Variants in MCM2 observed in about 807,000 individuals in gnomAD.
MCM2 encodes the protein DNA replication licensing factor MCM2.
In MCM2, 49 loss-of-function variants were observed where a neutral mutation model predicts 86.4. The observed-to-expected ratio is 0.57, with a 90% confidence interval of 0.45 to 0.72. The LOEUF is 0.72. MCM2 is among the 30% of genes least tolerant of loss of function. MCM2 has a pLI of 0.00. For synonymous variants in MCM2, 475 were observed against 484.6 expected, an observed-to-expected ratio of 0.98 and a Z score of 0.26; for missense variants, 1,038 against 1,259.9, an observed-to-expected ratio of 0.82 and a Z score of 2.67.
In MCM2 at chr3:127,608,603, T is replaced by G. The variant is rs1180281320; in HGVS notation, c.1236+87T>G. 3.9e-6 allele frequency: 6 copies of G among 1,548,816 alleles called. No individual in the cohort carries two copies. The South Asian group carries it at 5.8e-5, about 15-fold the overall frequency. On this transcript the variant is annotated intron_variant, in intron 7 of 15. Coordinates refer to ENST00000265056, the MANE Select transcript of MCM2 (RefSeq NM_004526.4). ...GTGGCTGGGCCGGTGGCGGTGTCTA[T>G]GGTCGCAGGGGCACTCGGGCTAGGA...
chr3:127,598,502 G>A, intron 1 of MCM2, 30 bp downstream of exon 1: 6 of 1,610,868 alleles, frequency 3.7e-6, no homozygotes, highest in Non-Finnish European at 5.1e-6. Context: ...GCGGGCGGGC[G>A]CCGGGGACAT....
rs2074437427 is a variant in MCM2 at position 127,616,938 on chromosome 3, G to GT, written c.1596dup (p.Leu533SerfsTer5). The GT allele has an allele frequency of 6.2e-7, 1 of 1,614,074 alleles. No homozygotes were observed. ...GAGACCCTGGCACAGCGAAGTCGCAGTTTCTCAAGTATATTGAGAAAGTGT... is the reference window on the plus strand; with the variant it reads ...GAGACCCTGGCACAGCGAAGTCGCAGTTTTCTCAAGTATATTGAGAAAGTGT... On this transcript the variant is annotated frameshift_variant, in exon 10 of 16. Coordinates refer to ENST00000265056, the MANE Select transcript of MCM2 (RefSeq NM_004526.4). LOFTEE classifies it high-confidence loss of function.
At chr3:127,611,223 G>C (rs2074392524) in intron 8 of MCM2, among the ~76,000 whole-genome samples, 1 of 152,192 alleles carries the variant, frequency 6.6e-6, no homozygotes. Flanking sequence ...ATTTCTTCAG[G>C]CTTGGGTGGA....
intron 8 of MCM2, among the ~76,000 whole-genome samples, chr3:127,611,649 C>T (rs1450455937): frequency 6.8e-6 from 1 of 147,880 alleles, no homozygotes; most frequent in East Asian, 2.0e-4. Context: ...GATTCCATCT[C>T]CAGCAGGAAG....
intron 9 of MCM2, 126 bp downstream of exon 9, chr3:127,616,081 C>T (rs576757251): frequency 1.6e-4 from 128 of 778,262 alleles, no homozygotes; most frequent in Non-Finnish European, 2.5e-4. Flanking sequence ...AAAAGATGGT[C>T]TGGCTGGGCG....
chr3:127,603,417 G>A (rs2074320011), intron 2 of MCM2, among the ~76,000 whole-genome samples: 1 of 152,062 alleles, frequency 6.6e-6, no homozygotes, highest in South Asian at 2.1e-4. Context: ...CTGCCTCCCT[G>A]GTTCAAAGTG....
At chr3:127,616,626 T>C (rs1250514941) in intron 9 of MCM2, among the ~76,000 whole-genome samples, 1 of 152,240 alleles carries the variant, frequency 6.6e-6, no homozygotes, top group Non-Finnish European at 1.5e-5. Flanking sequence ...AACACTTAGA[T>C]TGTTTCTGAT....
intron 13 of MCM2, among the ~76,000 whole-genome samples, chr3:127,620,063 T>A (rs1011445728): frequency 2.0e-5 from 3 of 152,238 alleles, no homozygotes; most frequent in Non-Finnish European, 4.4e-5. Context: ...TAAATGTGCA[T>A]TCATTTGTCT....
chr3:127,606,212 G>A lies in MCM2; in HGVS notation c.768G>A (p.Leu256=), dbSNP rs755161364. ...TGCCTGAGGCACCGGCGGAGCTGCT[G>A]CAGATCTTTGATGAGGCTGCCCTGG... ...YFLPEAPAEL[L]QIFDEAALEV... is the part of the protein sequence containing the mutation. The change falls in exon 5 of 16, where the codon CTG becomes CTA. Residue 256 remains leucine (L), a synonymous_variant. Transcript: ENST00000265056. This position sits in a 1 kb window ranked among gnomAD's most constrained non-coding sequence, Gnocchi z 4.2. 2.5e-6 allele frequency: 4 copies of A among 1,614,262 alleles called. No homozygotes were observed. The highest frequency in any genetic ancestry group is 1.1e-5 in the South Asian group (1 of 91,086).
intron 2 of MCM2, among the ~76,000 whole-genome samples, chr3:127,603,956 G>T (rs538047618): frequency 6.6e-6 from 1 of 151,956 alleles, no homozygotes; most frequent in Non-Finnish European, 1.5e-5. Context: ...CACCGTGCCC[G>T]GCCATTTTCT....
intron 2 of MCM2, 53 bp downstream of exon 2, chr3:127,599,600 T>C: frequency 6.6e-7 from 1 of 1,509,858 alleles, no homozygotes; most frequent in Non-Finnish European, 9.0e-7. Flanking sequence ...GAGAGCCCAT[T>C]GTGTGCCTGG....
At position 127,617,983 on chromosome 3, in the gene MCM2, C is replaced by G. The variant is rs1181663475; in HGVS notation, c.1915C>G (p.Pro639Ala). 9 of 1,613,850 alleles carry G rather than the reference C, an allele frequency of 5.6e-6. No homozygotes were observed. Among genetic ancestry groups the G allele is most frequent in the Non-Finnish European group, 6.8e-6 (8 of 1,179,890 alleles). The change falls in exon 12 of 16, where the codon CCC becomes GCC. Residue 639 changes from proline (P) to alanine (A), a missense_variant. Physicochemically the swap from Pro to Ala is conservative, Grantham distance 27. Transcript: ENST00000265056. This position sits in a 1 kb window ranked among gnomAD's most constrained non-coding sequence, Gnocchi z 4.1. Reference sequence around the variant, plus strand: ...CTGTGTTTCAGGAGGGCGCTACGACCCCTCGCTGACTTTCTCTGAGAACGT... The same window carrying G: ...CTGTGTTTCAGGAGGGCGCTACGACGCCTCGCTGACTTTCTCTGAGAACGT... The part of the protein sequence containing the change: ...AANPIGGRYD[P>A]SLTFSENVDL...
chr3:127,619,031 A>G lies in MCM2; in HGVS notation c.2018A>G (p.Glu673Gly). The change falls in exon 13 of 16, where the codon GAG (glutamate) becomes GGG (glycine). Residue 673 changes from glutamate (E) to glycine (G), a missense_variant. By Grantham distance (98) the Glu-to-Gly change is moderately conservative. Coordinates refer to ENST00000265056, the MANE Select transcript of MCM2 (RefSeq NM_004526.4). ...CCCTCTCATGGCTTATCTTAGGACG[A>G]GATGCTGGCCCGCTTCGTGGTGGGC... is the stretch of plus-strand genomic sequence containing the variant. ...VRDTVDPVQD[E>G]MLARFVVGSH... 6.3e-7 allele frequency: 1 copy of G among 1,596,668 alleles called. No homozygotes were observed. The highest frequency in any genetic ancestry group is 8.6e-7 in the Non-Finnish European group (1 of 1,168,730).
Position 127,610,147 on chromosome 3 carries a change from A to T in MCM2, c.1428+1124A>T, listed in dbSNP as rs1405908266. On this transcript the variant is annotated intron_variant, in intron 8 of 15. Coordinates refer to ENST00000265056, the MANE Select transcript of MCM2 (RefSeq NM_004526.4). ...GTGTGAGGCACCACGCCCGGCCTTC[A>T]AGTCAACTTGAACTTCAGTTTTTAA... Among the ~76,000 whole-genome samples, 3 of 152,082 alleles carry T rather than the reference A, an allele frequency of 2.0e-5. No homozygotes were observed. In the East Asian group the frequency reaches 5.8e-4, roughly 29 times the overall value.
intron 14 of MCM2, 87 bp from the exon 15 acceptor site, chr3:127,620,986 G>C (rs1182390329): frequency 1.1e-5 from 17 of 1,578,368 alleles, no homozygotes; most frequent in Middle Eastern, 1.8e-4. Flanking sequence ...GCGGCAGCCT[G>C]TCTGACCTGG....
At position 127,608,457 on chromosome 3, in the gene MCM2, T is replaced by C; in HGVS notation, c.1177T>C (p.Ser393Pro). ...GKVAAGRLPR[S>P]KDAILLADLV... ...AGTGGCGGCTGGCCGGCTGCCCCGC[T>C]CCAAGGACGCCATTCTCCTCGCAGA... Residue 393 changes from serine (S) to proline (P), a missense_variant, in exon 7 of 16, where the codon TCC becomes CCC. Physicochemically the swap from Ser to Pro is moderately conservative, Grantham distance 74. Coordinates refer to ENST00000265056, the MANE Select transcript of MCM2 (RefSeq NM_004526.4). The C allele has an allele frequency of 6.2e-7, 1 of 1,614,108 alleles. No individual in the cohort carries two copies. Among genetic ancestry groups the C allele is most frequent in the Non-Finnish European group, 8.5e-7 (1 of 1,180,010 alleles).
Position 127,599,529 on chromosome 3 carries a change from T to C in MCM2, c.218T>C (p.Ile73Thr), listed in dbSNP as rs1331240380. 2 of 1,613,258 alleles carry C rather than the reference T, an allele frequency of 1.2e-6. No homozygotes were observed. Among genetic ancestry groups the C allele is most frequent in the Non-Finnish European group, 1.7e-6 (2 of 1,179,598 alleles). The change falls in exon 2 of 16, where the codon ATT (isoleucine) becomes ACT (threonine). Residue 73 changes from isoleucine to threonine, a missense_variant. This residue lies in a region of MCM2 where 300 missense variants were observed against 307.4 expected (regional missense o/e 0.98). Transcript: ENST00000265056. ...LEEEEDGEELIGDGMERDYRA... is the reference protein window; with the variant it reads ...LEEEEDGEELTGDGMERDYRA... ...GAAGAAGAGGATGGAGAGGAGCTCA[T>C]TGGAGATGGCATGGAAAGGTAATTT...
Position 127,606,845 on chromosome 3 carries a change from A to G in MCM2, c.1101+28A>G. 6.2e-7 allele frequency: 1 copy of G among 1,610,922 alleles called. No individual in the cohort carries two copies. On this transcript the variant is annotated intron_variant, in intron 6 of 15. Transcript: ENST00000265056. The surrounding 1 kb of genome is among the most constrained non-coding windows in gnomAD (Gnocchi z 4.2). ...GAGAGAGGACACAAGGTCTGCTGCCAGCTGTCCTTAGGGGTGCCCAGTATG... is the reference window on the plus strand; with the variant it reads ...GAGAGAGGACACAAGGTCTGCTGCCGGCTGTCCTTAGGGGTGCCCAGTATG...
At position 127,614,115 on chromosome 3, in the gene MCM2, T is replaced by G. The variant is rs113136789; in HGVS notation, c.1429-1747T>G. Among the ~76,000 whole-genome samples, 1,205 of 152,336 alleles carry G rather than the reference T, an allele frequency of 7.9e-3. 13 individuals are homozygous for G. Among genetic ancestry groups the G allele is most frequent in the South Asian group, 0.027 (130 of 4,830 alleles). On this transcript the variant is annotated intron_variant, in intron 8 of 15. Transcript: ENST00000265056. ...GGGGGGTACATTCAAACTGTAGCACTCTACCCAGCTTCCACAGCTGTCATA... is the reference window on the plus strand; with the variant it reads ...GGGGGGTACATTCAAACTGTAGCACGCTACCCAGCTTCCACAGCTGTCATA...
Sources: allele counts gnomAD v4.1 joint callset (sites outside exome capture counted in the v4.1 genomes callset), GRCh38; gene constraint gnomAD v4.1.1; regional missense constraint gnomAD v4.1.1; non-coding constraint Gnocchi (gnomAD v3.1); transcripts MANE v1.5; gene names NCBI Gene and HGNC (gene_info 2026-07-23, HGNC 2026-07-21).